Variants in FAM114A1 observed in about 807,000 individuals in gnomAD.
The protein encoded by FAM114A1 is protein NOXP20.
FAM114A1 carries 62 observed loss-of-function variants against 64.3 expected under a neutral mutation model. That is an observed-to-expected ratio of 0.96 (90% CI 0.79 to 1.19). The LOEUF (loss-of-function observed/expected upper bound fraction) is 1.19. Ranked by LOEUF, FAM114A1 falls within the 50% of genes most tolerant of loss-of-function variation. The pLI is 0.00. For synonymous variants in FAM114A1, 254 were observed against 251.1 expected (o/e 1.01, Z -0.11); for missense variants, 645 against 676.3 (o/e 0.95, Z 0.51).
rs1305801365 is a variant in FAM114A1, at chr4:38,931,461, G to A, written c.1172G>A (p.Arg391Lys). ...TGGGGACCTCTGCAGGCCATGAAGA[G>A]GGCTCATGACTGGGTGGAAGAGGAT... is the stretch of plus-strand genomic sequence containing the variant. Reference protein sequence around the residue: ...TPDKLNKAMKRAHDWVEEDQT... With the variant: ...TPDKLNKAMKKAHDWVEEDQT... The change falls in exon 11 of 15, where the codon AGG (arginine) becomes AAG (lysine). Residue 391 changes from arginine to lysine, a missense_variant. Coordinates refer to ENST00000358869, the MANE Select transcript of FAM114A1 (RefSeq NM_138389.4). The A allele has an allele frequency of 6.2e-7, 1 of 1,610,624 alleles. No homozygotes were observed. Among genetic ancestry groups the A allele is most frequent in the African/African-American group, 1.3e-5 (1 of 74,582 alleles).
intron 12 of FAM114A1, among the ~76,000 whole-genome samples, chr4:38,934,315 A>G (rs1408502314): frequency 3.3e-5 from 5 of 152,034 alleles, no homozygotes; most frequent in Non-Finnish European, 7.4e-5. Context: ...GTGCCTCCCC[A>G]CCCACCTGCC....
At chr4:38,907,399 C>G (rs1718127420) in intron 6 of FAM114A1, among the ~76,000 whole-genome samples, 1 of 152,160 alleles carries the variant, frequency 6.6e-6, no homozygotes. Flanking sequence ...TTCTTGACCC[C>G]TTTTTCCCAA....
Position 38,944,473 on chromosome 4 carries a change from A to C in FAM114A1, c.*916A>C, listed in dbSNP as rs566614803. On this transcript the variant is annotated 3_prime_UTR_variant, in exon 15 of 15. Coordinates refer to ENST00000358869, the MANE Select transcript of FAM114A1 (RefSeq NM_138389.4). ...AGAGGTAGATATTCTGAAAAAGAATAATTCTTAAACTGCTTAAAACAGGGG... is the reference window on the plus strand; with the variant it reads ...AGAGGTAGATATTCTGAAAAAGAATCATTCTTAAACTGCTTAAAACAGGGG... The C allele has an allele frequency of 6.6e-6, 1 of 152,360 alleles. No homozygotes were observed. Among genetic ancestry groups the C allele is most frequent in the African/African-American group, 2.4e-5 (1 of 41,562 alleles). The allele number at this position is 152,360 out of a possible 1,614,324, so 9.4% of individuals were successfully genotyped here.
In FAM114A1 at chr4:38,878,337, A is replaced by C; in HGVS notation, c.259A>C (p.Thr87Pro). 6.2e-7 allele frequency: 1 copy of C among 1,614,202 alleles called. No individual in the cohort carries two copies. Among genetic ancestry groups the C allele is most frequent in the Non-Finnish European group, 8.5e-7 (1 of 1,180,028 alleles). The change falls in exon 3 of 15, where the codon ACT becomes CCT. Residue 87 changes from threonine (T) to proline (P), a missense_variant. Coordinates refer to ENST00000358869, the MANE Select transcript of FAM114A1 (RefSeq NM_138389.4). The stretch of plus-strand genomic sequence containing the variant: ...GGAGCCCCCTCTCAATGGAGACGTG[A>C]CTGAGGATACACTTGCTGAATGTAT... Reference protein sequence around the residue: ...ALEPPLNGDVTEDTLAECIDS... With the variant: ...ALEPPLNGDVPEDTLAECIDS...
At chr4:38,940,719 A>T (rs573546001) in intron 13 of FAM114A1, among the ~76,000 whole-genome samples, 1 of 152,282 alleles carries the variant, frequency 6.6e-6, no homozygotes, top group South Asian at 2.1e-4. Context: ...AACCTTTCTG[A>T]TCCCTATTCT....
chr4:38,895,097 C>G lies in FAM114A1; in HGVS notation c.436+3267C>G, dbSNP rs1321357639. Among the ~76,000 whole-genome samples, 3 of 152,182 alleles carry G rather than the reference C, an allele frequency of 2.0e-5. 1 individual carries two copies. The highest frequency in any genetic ancestry group is 6.5e-5 in the Admixed American group (1 of 15,280). On this transcript the variant is annotated intron_variant, in intron 4 of 14. Coordinates refer to ENST00000358869, the MANE Select transcript of FAM114A1 (RefSeq NM_138389.4). ...CCACAGATCAGGAAGGCACCCATAA[C>G]TTTAAAGTCTCTGGAGGATAGGGTG...
chr4:38,943,354 T>A, intron 14 of FAM114A1, 102 bp from the exon 15 acceptor site: 1 of 737,792 alleles, frequency 1.4e-6, no homozygotes, highest in Non-Finnish European at 2.1e-6. Flanking sequence ...TATAATCCAA[T>A]ATGGGGGGTG....
chr4:38,917,317 G>A (rs1719159506), intron 8 of FAM114A1, among the ~76,000 whole-genome samples: 1 of 151,030 alleles, frequency 6.6e-6, no homozygotes, highest in African/African-American at 2.5e-5. Flanking sequence ...TGGCCTGGGC[G>A]ACAGAGCAAG....
intron 4 of FAM114A1, among the ~76,000 whole-genome samples, chr4:38,901,604 T>G (rs2109657792): frequency 6.6e-6 from 1 of 152,326 alleles, no homozygotes; most frequent in African/African-American, 2.4e-5. Flanking sequence ...TCATATTCTT[T>G]TTGCAAATTA....
At chr4:38,934,597 T>C (rs1316854456) in intron 12 of FAM114A1, among the ~76,000 whole-genome samples, 1 of 152,214 alleles carries the variant, frequency 6.6e-6, no homozygotes, top group Non-Finnish European at 1.5e-5. Flanking sequence ...CACTAACTGA[T>C]AGAAAAATAT....
intron 8 of FAM114A1, among the ~76,000 whole-genome samples, chr4:38,918,717 G>T (rs983917161): frequency 2.0e-5 from 3 of 152,254 alleles, no homozygotes; most frequent in Non-Finnish European, 2.9e-5. Context: ...CCAACACTTT[G>T]GGAGGCTGAG....
chr4:38,891,916 G>GT (rs1341957147), intron 4 of FAM114A1, 86 bp downstream of exon 4: 7 of 1,217,434 alleles, frequency 5.7e-6, no homozygotes, highest in Non-Finnish European at 7.8e-6. Context: ...TACTAATAGA[G>GT]TTTAACATTA....
intron 9 of FAM114A1, 65 bp downstream of exon 9, chr4:38,922,958 A>T: frequency 6.6e-7 from 1 of 1,525,150 alleles, no homozygotes; most frequent in Admixed American, 2.0e-5. Flanking sequence ...ACTGCTGTTA[A>T]TGAACACAGC....
At chr4:38,901,059 A>G (rs1161686987) in intron 4 of FAM114A1, among the ~76,000 whole-genome samples, 2 of 152,194 alleles carry the variant, frequency 1.3e-5, no homozygotes, top group Admixed American at 6.5e-5. Context: ...GGAAAAAGAG[A>G]AAGTTAAAAT....
intron 3 of FAM114A1, among the ~76,000 whole-genome samples, chr4:38,888,119 T>A (rs1715992685): frequency 6.6e-6 from 1 of 152,062 alleles, no homozygotes; most frequent in Admixed American, 6.6e-5. Context: ...TACTTTTTTC[T>A]ATCTAATAAT....
intron 8 of FAM114A1, among the ~76,000 whole-genome samples, chr4:38,920,026 T>C (rs1408203028): frequency 6.6e-6 from 1 of 152,114 alleles, no homozygotes; most frequent in Non-Finnish European, 1.5e-5. Context: ...CTGGCCAACA[T>C]GGCGAAACCC....
intron 4 of FAM114A1, among the ~76,000 whole-genome samples, chr4:38,904,848 A>G (rs556852992): frequency 2.6e-5 from 4 of 152,388 alleles, no homozygotes; most frequent in Admixed American, 1.3e-4. Context: ...GGTACACTAT[A>G]CAAAGACTGT....
chr4:38,918,904 C>T (rs1719324098), intron 8 of FAM114A1, among the ~76,000 whole-genome samples: 1 of 152,156 alleles, frequency 6.6e-6, no homozygotes, highest in South Asian at 2.1e-4. Flanking sequence ...GTAATCCCAG[C>T]ACTTCAGGAG....
At chr4:38,890,836 T>TA (rs532949459) in intron 3 of FAM114A1, among the ~76,000 whole-genome samples, 5 of 152,054 alleles carry the variant, frequency 3.3e-5, no homozygotes, top group Non-Finnish European at 5.9e-5. Context: ...ATAAAACATT[T>TA]AAAAAAATGA....
Sources: allele counts gnomAD v4.1 joint callset (sites outside exome capture counted in the v4.1 genomes callset), GRCh38; gene constraint gnomAD v4.1.1; transcripts MANE v1.5; gene names NCBI Gene and HGNC (gene_info 2026-07-23, HGNC 2026-07-21).